Variants in NEBL observed in about 807,000 individuals in gnomAD.
NEBL encodes the protein nebulette.
Under a neutral mutation model 140.2 loss-of-function variants are expected in NEBL, and 122 were observed. That is an observed-to-expected ratio of 0.87 (90% CI 0.75 to 1.01). NEBL has a LOEUF of 1.01. Among genes scored for constraint, NEBL ranks in the 50% least tolerant of loss-of-function variants. NEBL has a pLI of 0.00. For synonymous variants in NEBL, 436 were observed against 398.9 expected (o/e 1.09, Z -1.11); for missense variants, 1,365 against 1,231.3 (o/e 1.11, Z -1.62).
At chr10:20,819,213 C>A in intron 20 of NEBL, 1 of 918,240 alleles carries the variant, frequency 1.1e-6, no homozygotes, top group Non-Finnish European at 1.6e-6. Context: ...CCTCTCCCTC[C>A]TCCCATCCTC....
At chr10:20,961,972 T>C (rs1206337996) in intron 3 of NEBL, among the ~76,000 whole-genome samples, 1 of 152,190 alleles carries the variant, frequency 6.6e-6, no homozygotes, top group African/African-American at 2.4e-5. Flanking sequence ...TTACCATTTG[T>C]GTGACTTTAA....
At chr10:20,996,639 C>T (rs1247389949) in intron 3 of NEBL, among the ~76,000 whole-genome samples, 1 of 152,184 alleles carries the variant, frequency 6.6e-6, no homozygotes, top group Admixed American at 6.5e-5. Context: ...AACCCTCACT[C>T]TTTCCTTCAC....
intron 4 of NEBL, among the ~76,000 whole-genome samples, chr10:20,939,225 C>G (rs1834694165): frequency 6.6e-6 from 1 of 152,232 alleles, no homozygotes; most frequent in African/African-American, 2.4e-5. Context: ...ATCAGACTAA[C>G]AGCTGATCTC....
intron 4 of NEBL, among the ~76,000 whole-genome samples, chr10:20,918,311 T>C (rs1238481511): frequency 6.6e-6 from 1 of 151,930 alleles, no homozygotes; most frequent in Non-Finnish European, 1.5e-5. Context: ...TGAGCTGAGA[T>C]TGAGCCACTG....
intron 2 of NEBL, among the ~76,000 whole-genome samples, chr10:21,101,222 T>C (rs1837462778): frequency 6.6e-6 from 1 of 152,222 alleles, no homozygotes; most frequent in Non-Finnish European, 1.5e-5. Flanking sequence ...TGAATTCTAA[T>C]CATCTGTAAG....
chr10:21,047,050 A>C (rs1834552702), intron 2 of NEBL, among the ~76,000 whole-genome samples: 1 of 152,246 alleles, frequency 6.6e-6, no homozygotes, highest in African/African-American at 2.4e-5. Flanking sequence ...TATGGTTTAC[A>C]GAATAAAATG....
rs1233403547 is a variant in NEBL, at chr10:21,169,059, AAAAAAAAAATATAT to A, written c.164+3310_164+3323del. On this transcript the variant is annotated intron_variant, in intron 2 of 6. Coordinates refer to the NEBL transcript ENST00000417816. ...GTGAGACTCCGTCTACAAAAAAAAA[AAAAAAAAAATATAT>A]ATATATATATATATATATATATATA... Among the ~76,000 whole-genome samples the A allele has an allele frequency of 3.1e-3, 136 of 43,826 alleles. 3 individuals carry two copies. Among genetic ancestry groups the A allele is most frequent in the African/African-American group, 9.5e-3 (132 of 13,904 alleles). 28.8% of individuals were successfully genotyped at this position (43,826 alleles called of 152,430 possible).
At chr10:21,113,588 A>G (rs998141953) in intron 2 of NEBL, among the ~76,000 whole-genome samples, 1 of 152,144 alleles carries the variant, frequency 6.6e-6, no homozygotes, top group African/African-American at 2.4e-5. Flanking sequence ...TTTATAATGC[A>G]GAGTGAGAAC....
chr10:20,847,375 G>A (rs554058359), intron 11 of NEBL, among the ~76,000 whole-genome samples: 2 of 152,266 alleles, frequency 1.3e-5, no homozygotes, highest in East Asian at 3.9e-4. Flanking sequence ...CACTTGGCAA[G>A]AGTGAGAGAA....
chr10:21,184,036 C>T (rs549497118), intron 3 of NEBL, among the ~76,000 whole-genome samples: 31 of 152,126 alleles, frequency 2.0e-4, no homozygotes, highest in Non-Finnish European at 3.8e-4. Context: ...CTGTGAAGTC[C>T]GTTAAACCTC....
chr10:21,232,135 TTTCTC>T (rs1842273659), intron 3 of NEBL, among the ~76,000 whole-genome samples: 1 of 152,002 alleles, frequency 6.6e-6, no homozygotes, highest in Admixed American at 6.6e-5. Context: ...GTTGTTTTTT[TTTCTC>T]TCTCTCTCTC....
intron 2 of NEBL, among the ~76,000 whole-genome samples, chr10:21,033,682 G>A (rs1391621405): frequency 2.6e-5 from 4 of 151,148 alleles, no homozygotes; most frequent in Admixed American, 1.3e-4. Context: ...AGAGGTTGCA[G>A]TGAGTCAAGA....
intron 4 of NEBL, among the ~76,000 whole-genome samples, chr10:20,958,293 T>C (rs1177637789): frequency 6.6e-6 from 1 of 152,184 alleles, no homozygotes; most frequent in Non-Finnish European, 1.5e-5. Context: ...ATTTCTGCCA[T>C]TTCTGAATTT....
intron 3 of NEBL, among the ~76,000 whole-genome samples, chr10:21,247,351 C>T (rs770424965): frequency 2.6e-5 from 4 of 152,148 alleles, no homozygotes; most frequent in Non-Finnish European, 5.9e-5. Flanking sequence ...GAAGCAGTCT[C>T]AAAAGATTAT....
At chr10:21,205,409 A>G (rs1841809287) in intron 3 of NEBL, among the ~76,000 whole-genome samples, 1 of 152,224 alleles carries the variant, frequency 6.6e-6, no homozygotes, top group Non-Finnish European at 1.5e-5. Flanking sequence ...TAAGAAATCA[A>G]ATGTCCAAAA....
chr10:21,275,637 C>CT (rs11396394), intron 1 of NEBL, among the ~76,000 whole-genome samples: 17,595 of 119,478 alleles, frequency 0.15, 2,112 homozygotes, highest in African/African-American at 0.27. Flanking sequence ...ACATTACCAG[C>CT]TTTTTTTTTT....
chr10:20,826,934 T>A (rs1839938964), intron 17 of NEBL, among the ~76,000 whole-genome samples: 1 of 152,176 alleles, frequency 6.6e-6, no homozygotes, highest in African/African-American at 2.4e-5. Context: ...AAAATGACAT[T>A]TTAGGCAACT....
chr10:21,194,393 C>T lies in NEBL; in HGVS notation n.349-21916G>A, dbSNP rs138710253. Among the ~76,000 whole-genome samples the T allele has an allele frequency of 8.5e-5, 13 of 152,228 alleles. No homozygotes were observed. The East Asian group carries it at 1.9e-3, about 23-fold the overall frequency. On this transcript the variant is annotated intron_variant and non_coding_transcript_variant, in intron 3 of 8. Coordinates refer to the NEBL transcript ENST00000675702. ...AAGCATTGATACCAAAAGCAAGCCA[C>T]GTAACTGTTTAACAACAAATCATTA... is the stretch of plus-strand genomic sequence containing the variant.
chr10:20,898,651 C>T (rs533988089), upstream of NEBL, among the ~76,000 whole-genome samples: 3 of 152,310 alleles, frequency 2.0e-5, no homozygotes, highest in East Asian at 3.9e-4. Flanking sequence ...TAGAGATCTA[C>T]AAGGCATATT....
Sources: gnomAD v4.1 joint callset for allele counts (sites outside exome capture counted in the v4.1 genomes callset) on GRCh38, gnomAD v4.1.1 for gene constraint, MANE v1.5 for transcripts, NCBI Gene and HGNC (gene_info 2026-07-23, HGNC 2026-07-21) for gene names.